Variants in CA5B observed in about 807,000 individuals in gnomAD.
The protein encoded by CA5B is carbonic anhydrase 5B, mitochondrial.
CA5B carries 15 observed loss-of-function variants against 23.1 expected under a neutral mutation model. The ratio of observed to expected loss-of-function variants is 0.65; its 90% confidence interval spans 0.43 to 1.00. The LOEUF is 1.00. CA5B is among the 50% of genes least tolerant of loss of function. The pLI is 0.00. For missense variants in CA5B, 236 were observed against 252.2 expected, an observed-to-expected ratio of 0.94 and a Z score of 0.43; for synonymous variants, 84 against 98.5, an observed-to-expected ratio of 0.85 and a Z score of 0.87.
chrX:15,755,410 C>A (rs1007233666), intron 2 of CA5B, among the ~76,000 whole-genome samples: 4 of 111,952 alleles, frequency 3.6e-5, no homozygotes, highest in African/African-American at 9.7e-5. Flanking sequence ...ATTTGTGATT[C>A]TGCGATCATC....
At chrX:15,748,269 C>A (rs1305563501) in intron 1 of CA5B, among the ~76,000 whole-genome samples, 2 of 112,040 alleles carry the variant, frequency 1.8e-5, no homozygotes, top group East Asian at 5.6e-4. Flanking sequence ...CCTGTGCAAG[C>A]TTCCAGCTTG....
intron 1 of CA5B, 186 bp from the exon 2 acceptor site, chrX:15,749,785 C>T (rs764758583): frequency 4.4e-5 from 15 of 338,744 alleles, no homozygotes; most frequent in African/African-American, 3.1e-4. Flanking sequence ...CCCTCCCTGC[C>T]CTCCACTGAG....
intron 6 of CA5B, among the ~76,000 whole-genome samples, chrX:15,776,338 C>CAAAAAAA (rs1204466142): frequency 1.4e-4 from 6 of 43,372 alleles, no homozygotes; most frequent in Non-Finnish European, 1.7e-4. Flanking sequence ...GACTCTGTCT[C>CAAAAAAA]AAAAAAAAAA....
At chrX:15,765,237 A>T in intron 3 of CA5B, 1 of 211,757 alleles carries the variant, frequency 4.7e-6, no homozygotes, top group East Asian at 2.4e-4. Context: ...TAGGTTGCAA[A>T]GACTAGTCAT....
intron 4 of CA5B, 130 bp downstream of exon 4, chrX:15,772,744 A>G (rs1931845826): frequency 2.4e-6 from 1 of 412,349 alleles, no homozygotes; most frequent in Non-Finnish European, 4.3e-6. Flanking sequence ...GGCAGTTTTG[A>G]TCATTCTCAG....
At chrX:15,740,388 C>A (rs1335987290) in intron 1 of CA5B, among the ~76,000 whole-genome samples, 1 of 112,657 alleles carries the variant, frequency 8.9e-6, no homozygotes, top group Non-Finnish European at 1.9e-5. Context: ...ATAACCAACT[C>A]TTAAAAAACT....
intron 1 of CA5B, among the ~76,000 whole-genome samples, chrX:15,744,704 C>T (rs774710555): frequency 1.8e-5 from 2 of 111,170 alleles, no homozygotes; most frequent in South Asian, 3.8e-4. Context: ...ACCTCCTCAT[C>T]ATCGCGGAAG....
intron 2 of CA5B, among the ~76,000 whole-genome samples, chrX:15,753,556 A>G (rs756455534): frequency 1.8e-5 from 2 of 112,433 alleles, no homozygotes; most frequent in South Asian, 3.6e-4. Context: ...TACAGAATGG[A>G]CATTTCTCCC....
intron 1 of CA5B, among the ~76,000 whole-genome samples, chrX:15,741,348 G>A (rs375612308): frequency 1.8e-4 from 18 of 100,706 alleles, no homozygotes; most frequent in African/African-American, 6.3e-4. Context: ...GATTACAGGC[G>A]TGAGCCTCTG....
At position 15,776,876 on chromosome X, in the gene CA5B, T is replaced by G; in HGVS notation, c.774+7T>G. On this transcript the variant is annotated splice_region_variant and intron_variant, in intron 7 of 7. Transcript: ENST00000318636. Reference sequence around the variant, plus strand: ...AGAGGTTGATCATGATCAGGTATGTTCTCTCCATAATTTCAATCTAAGGAA... The same window carrying G: ...AGAGGTTGATCATGATCAGGTATGTGCTCTCCATAATTTCAATCTAAGGAA... 8.3e-7 allele frequency: 1 copy of G among 1,198,165 alleles called. No homozygotes were observed. The highest frequency in any genetic ancestry group is 1.1e-6 in the Non-Finnish European group (1 of 884,319).
intron 1 of CA5B, among the ~76,000 whole-genome samples, chrX:15,749,577 T>C (rs1369132066): frequency 9.0e-6 from 1 of 111,660 alleles, no homozygotes; most frequent in Non-Finnish European, 1.9e-5. Context: ...TGGAGGGAGC[T>C]TTAATGTTGG....
At chrX:15,738,926 C>T (rs1931064400) in intron 1 of CA5B, among the ~76,000 whole-genome samples, 2 of 111,800 alleles carry the variant, frequency 1.8e-5, no homozygotes, top group African/African-American at 3.3e-5. Flanking sequence ...CTGTGCCATG[C>T]GGGCAAATCT....
intron 1 of CA5B, among the ~76,000 whole-genome samples, chrX:15,749,387 A>G (rs1001111848): frequency 7.1e-5 from 8 of 112,313 alleles, no homozygotes; most frequent in African/African-American, 2.6e-4. Context: ...TTCAAGGGCC[A>G]TTGTGTTACA....
intron 2 of CA5B, among the ~76,000 whole-genome samples, chrX:15,758,275 C>T (rs1931533714): frequency 9.0e-6 from 1 of 111,468 alleles, no homozygotes; most frequent in Non-Finnish European, 1.9e-5. Context: ...CCAGTAGATT[C>T]AGTGTCTGAT....
Position 15,756,754 on chromosome X carries a change from T to A in CA5B, c.142+6589T>A, listed in dbSNP as rs181360431. ...AGTGAGACCCTATCTCTACAAAAAA[T>A]TTTATTTAAAAAGTTTTTAGCCAGG... is the stretch of plus-strand genomic sequence containing the variant. On this transcript the variant is annotated intron_variant, in intron 2 of 7. Transcript: ENST00000318636. 9.2e-4 allele frequency among the ~76,000 whole-genome samples: 101 copies of A among 110,269 alleles called. 3 individuals are homozygous for A. The East Asian group carries it at 0.025, about 27-fold the overall frequency.
At chrX:15,762,448 C>CT (rs1392779349) in intron 2 of CA5B, among the ~76,000 whole-genome samples, 68 of 102,556 alleles carry the variant, frequency 6.6e-4, no homozygotes, top group Admixed American at 1.9e-3. Context: ...CATCCTTATT[C>CT]TTTTTTTTTT....
chrX:15,740,325 A>G (rs773183718), intron 1 of CA5B, among the ~76,000 whole-genome samples: 27 of 112,581 alleles, frequency 2.4e-4, no homozygotes, highest in Admixed American at 2.4e-3. Flanking sequence ...CTGGTTAAAC[A>G]TTATTTTTGG....
At chrX:15,756,273 G>C (rs752574234) in intron 2 of CA5B, among the ~76,000 whole-genome samples, 1 of 112,508 alleles carries the variant, frequency 8.9e-6, no homozygotes, top group East Asian at 2.8e-4. Context: ...GTAATGGGTA[G>C]AGAGCCTTGG....
intron 7 of CA5B, among the ~76,000 whole-genome samples, chrX:15,778,974 A>C (rs1379182718): frequency 9.0e-6 from 1 of 111,651 alleles, no homozygotes; most frequent in Non-Finnish European, 1.9e-5. Context: ...ACAAAGTTAG[A>C]TAAATAACCC....
Sources: allele counts gnomAD v4.1 joint callset (sites outside exome capture counted in the v4.1 genomes callset), GRCh38; gene constraint gnomAD v4.1.1; transcripts MANE v1.5; gene names NCBI Gene and HGNC (gene_info 2026-07-23, HGNC 2026-07-21).